The following SBF2 variants were observed in gnomAD, a reference collection of about 807,000 sequenced individuals.
SBF2 encodes myotubularin-related protein 13.
SBF2 carries 112 observed loss-of-function variants against 225.2 expected under a neutral mutation model. The ratio of observed to expected loss-of-function variants is 0.50; its 90% confidence interval spans 0.43 to 0.58. The LOEUF (loss-of-function observed/expected upper bound fraction) is 0.58. Ranked by LOEUF, SBF2 falls within the 20% of genes least tolerant of loss-of-function variation. The probability of loss-of-function intolerance (pLI) is 0.00; values close to 1 mark genes in which losing one functional copy is unlikely to be tolerated. For missense variants in SBF2, 1,996 were observed against 2,206.2 expected, an observed-to-expected ratio of 0.90 and a Z score of 1.91; for synonymous variants, 763 against 773.3, an observed-to-expected ratio of 0.99 and a Z score of 0.22.
chr11:10,205,022 G>T (rs555257142), intron 1 of SBF2, among the ~76,000 whole-genome samples: 1 of 151,758 alleles, frequency 6.6e-6, no homozygotes, highest in Non-Finnish European at 1.5e-5. Context: ...GAGGTGGGAG[G>T]GGGGAGGCAG....
intron 1 of SBF2, among the ~76,000 whole-genome samples, chr11:10,301,662 T>C (rs1206881536): frequency 6.6e-6 from 1 of 152,236 alleles, no homozygotes; most frequent in African/African-American, 2.4e-5. Context: ...TATTTTTCAA[T>C]GCTTCTCTGA....
At chr11:10,036,959 T>A (rs1949459665) in intron 3 of SBF2, among the ~76,000 whole-genome samples, 1 of 152,202 alleles carries the variant, frequency 6.6e-6, no homozygotes, top group African/African-American at 2.4e-5. Context: ...AGAAAAGGTA[T>A]TTGATGTTGA....
rs578167381 is a variant in SBF2 at position 9,779,508 on chromosome 11, T to C, written c.*910A>G. 2 of 152,790 alleles carry C rather than the reference T, an allele frequency of 1.3e-5. No homozygotes were observed. The highest frequency in any genetic ancestry group is 1.3e-4 in the Admixed American group (2 of 15,310). 9.5% of individuals were successfully genotyped at this position (152,790 alleles called of 1,614,324 possible). A position where few individuals can be genotyped will look rare whatever the true frequency, so the allele number is the denominator to read the frequency against. ...GTTTGGGTATCCAGTCATGCCACAG[T>C]GTGACTGTGGTCAACACAGCCCTTG... On this transcript the variant is annotated 3_prime_UTR_variant, in exon 40 of 40. Transcript: ENST00000256190.
intron 1 of SBF2, among the ~76,000 whole-genome samples, chr11:10,199,084 A>G (rs1957483395): frequency 6.6e-6 from 1 of 152,166 alleles, no homozygotes; most frequent in Non-Finnish European, 1.5e-5. Flanking sequence ...ACTAAACATA[A>G]TCATTTCTAG....
At position 10,055,524 on chromosome 11, in the gene SBF2, TACACACACACACACACAC is replaced by T. The variant is rs3993326; in HGVS notation, c.142-12561_142-12544del. Among the ~76,000 whole-genome samples the T allele has an allele frequency of 1.0e-3, 134 of 133,854 alleles. 1 individual carries two copies. The highest frequency in any genetic ancestry group is 3.3e-3 in the African/African-American group (116 of 35,006). 87.8% of individuals were successfully genotyped at this position (133,854 alleles called of 152,430 possible). ...ACAGATGAGTAAATAAAGAAAATGA[TACACACACACACACACAC>T]ACACACACACACACACACACACACA... is the stretch of plus-strand genomic sequence containing the variant. On this transcript the variant is annotated intron_variant, in intron 2 of 39. Coordinates refer to ENST00000256190, the MANE Select transcript of SBF2 (RefSeq NM_030962.4).
intron 2 of SBF2, among the ~76,000 whole-genome samples, chr11:10,167,714 C>T (rs938718576): frequency 2.6e-5 from 4 of 152,142 alleles, no homozygotes; most frequent in Non-Finnish European, 5.9e-5. Flanking sequence ...AAACTGGTTG[C>T]CTTGATGAAG....
At chr11:9,961,246 A>G (rs745725207) in intron 16 of SBF2, 3 of 152,158 alleles carry the variant, frequency 2.0e-5, no homozygotes, top group Non-Finnish European at 4.4e-5. Context: ...TTTCCAATGT[A>G]CCAATATTTA....
At chr11:9,798,804 T>C (rs573772812) in intron 32 of SBF2, among the ~76,000 whole-genome samples, 23 of 151,900 alleles carry the variant, frequency 1.5e-4, no homozygotes, top group Middle Eastern at 6.8e-3. Flanking sequence ...AACAAAATTT[T>C]AGCTGGGCGT....
chr11:9,844,872 C>T (rs139965419), intron 24 of SBF2, among the ~76,000 whole-genome samples: 90 of 151,876 alleles, frequency 5.9e-4, no homozygotes, highest in African/African-American at 2.1e-3. Flanking sequence ...CAAACCTGCA[C>T]GTTCTGCACA....
chr11:10,156,514 G>A (rs929848561), intron 2 of SBF2, among the ~76,000 whole-genome samples: 4 of 152,180 alleles, frequency 2.6e-5, no homozygotes, highest in Non-Finnish European at 4.4e-5. Context: ...GGGTGAAGTT[G>A]GCACGTCAGT....
chr11:10,004,483 C>T (rs1052497982), intron 6 of SBF2, among the ~76,000 whole-genome samples: 1 of 150,428 alleles, frequency 6.6e-6, no homozygotes, highest in Non-Finnish European at 1.5e-5. Context: ...CTCAGGACCC[C>T]CAAACCACCA....
intron 2 of SBF2, among the ~76,000 whole-genome samples, chr11:10,190,012 G>T (rs1295348040): frequency 2.0e-5 from 3 of 152,156 alleles, no homozygotes; most frequent in Admixed American, 6.5e-5. Flanking sequence ...TTAGCCAGGT[G>T]TGGTGGCACA....
At chr11:10,004,805 A>G (rs1362574049) in intron 6 of SBF2, among the ~76,000 whole-genome samples, 1 of 152,160 alleles carries the variant, frequency 6.6e-6, no homozygotes, top group East Asian at 1.9e-4. Context: ...TTGTGTATTC[A>G]GTAAAAGGCT....
At position 9,961,951 on chromosome 11, in the gene SBF2, A is replaced by G; in HGVS notation, c.1860+6T>C. On this transcript the variant is annotated splice_donor_region_variant and intron_variant, in intron 16 of 39. Transcript: ENST00000256190. ...AGAGGAATAATCTGAAAGAACTACA[A>G]ATTACCTGTAGAGTACAATTCATCA... 6.2e-7 allele frequency: 1 copy of G among 1,609,684 alleles called. No individual in the cohort carries two copies. The highest frequency in any genetic ancestry group is 8.5e-7 in the Non-Finnish European group (1 of 1,177,202).
At chr11:10,165,104 G>A (rs1046359939) in intron 2 of SBF2, 1 of 152,126 alleles carries the variant, frequency 6.6e-6, no homozygotes, top group Non-Finnish European at 1.5e-5. Flanking sequence ...GGCTAATTCT[G>A]ACCTATACCT....
intron 2 of SBF2, among the ~76,000 whole-genome samples, chr11:10,133,946 T>C (rs1235807832): frequency 1.3e-5 from 2 of 152,246 alleles, no homozygotes; most frequent in African/African-American, 4.8e-5. Flanking sequence ...CACTGAGTGA[T>C]AGCAATGATA....
chr11:10,165,855 G>T (rs1483255846), intron 2 of SBF2, among the ~76,000 whole-genome samples: 1 of 152,174 alleles, frequency 6.6e-6, no homozygotes, highest in African/African-American at 2.4e-5. Flanking sequence ...TACAAATTTA[G>T]CAAATAGGCT....
intron 28 of SBF2, chr11:9,828,203 G>A: frequency 7.8e-7 from 1 of 1,289,548 alleles, no homozygotes; most frequent in South Asian, 1.2e-5. Flanking sequence ...GGACATTCTT[G>A]AAGTCCTCCT....
At chr11:10,012,062 T>C (rs1398746356) in intron 6 of SBF2, among the ~76,000 whole-genome samples, 3 of 152,248 alleles carry the variant, frequency 2.0e-5, no homozygotes, top group African/African-American at 7.2e-5. Flanking sequence ...TATTGGATCA[T>C]TTCTATTGGT....
Sources: gnomAD v4.1 joint callset for allele counts (sites outside exome capture counted in the v4.1 genomes callset) on GRCh38, gnomAD v4.1.1 for gene constraint, MANE v1.5 for transcripts, NCBI Gene and HGNC (gene_info 2026-07-23, HGNC 2026-07-21) for gene names.